The following SLC14A2 variants were observed in gnomAD, a reference collection of about 807,000 sequenced individuals.
SLC14A2 encodes solute carrier family 14 member 2, also known as urea transporter 2.
In SLC14A2, 91 loss-of-function variants were observed where a neutral mutation model predicts 104.6. The observed-to-expected ratio is 0.87, with a 90% CI of 0.73 to 1.04. The LOEUF (loss-of-function observed/expected upper bound fraction) is 1.04, where lower values mean the gene tolerates loss of function less well. Ranked by LOEUF, SLC14A2 falls within the 50% of genes least tolerant of loss-of-function variation. The pLI, the probability that SLC14A2 is intolerant of heterozygous loss-of-function variation, is 0.00. For missense variants in SLC14A2, 1,189 were observed against 1,156.0 expected, an observed-to-expected ratio of 1.03 and a Z score of -0.41; for synonymous variants, 476 against 466.4, an observed-to-expected ratio of 1.02 and a Z score of -0.27.
chr18:45,211,371 CAG>C (rs1043402700), upstream of SLC14A2, among the ~76,000 whole-genome samples: 5 of 152,160 alleles, frequency 3.3e-5, no homozygotes, highest in Non-Finnish European at 7.4e-5. Flanking sequence ...TTAGACCAAA[CAG>C]AAAACTGCAC....
chr18:45,497,604 G>A (rs2043122585), intron 2 of SLC14A2, among the ~76,000 whole-genome samples: 2 of 152,224 alleles, frequency 1.3e-5, no homozygotes, highest in South Asian at 4.1e-4. Context: ...CAGCTTTGAT[G>A]TATGCCCTGC....
intron 2 of SLC14A2, among the ~76,000 whole-genome samples, chr18:45,559,564 A>G (rs1424208612): frequency 2.6e-5 from 4 of 152,216 alleles, no homozygotes; most frequent in African/African-American, 9.7e-5. Flanking sequence ...TCTCCCAGAA[A>G]AAATGGGAAA....
chr18:45,331,145 T>C (rs2085285709), intron 1 of SLC14A2, among the ~76,000 whole-genome samples: 1 of 152,238 alleles, frequency 6.6e-6, no homozygotes, highest in Non-Finnish European at 1.5e-5. Context: ...TCCTAGCAAG[T>C]ACTGCATCGA....
chr18:45,208,432 C>T (rs556814365), upstream of SLC14A2, among the ~76,000 whole-genome samples: 6 of 152,206 alleles, frequency 3.9e-5, no homozygotes, highest in South Asian at 6.2e-4. Flanking sequence ...TATGAGTTAA[C>T]GCAGGTGGCC....
At chr18:45,470,584 G>A (rs1390567650) in intron 1 of SLC14A2, among the ~76,000 whole-genome samples, 1 of 152,092 alleles carries the variant, frequency 6.6e-6, no homozygotes, top group Non-Finnish European at 1.5e-5. Flanking sequence ...AGATAGTTGG[G>A]AAGGTTTTAA....
At chr18:45,441,204 C>G (rs2086677615) in intron 1 of SLC14A2, among the ~76,000 whole-genome samples, 1 of 152,092 alleles carries the variant, frequency 6.6e-6, no homozygotes, top group South Asian at 2.1e-4. Flanking sequence ...TAACAAGGTG[C>G]CTTTTTAAAA....
At chr18:45,321,500 C>G (rs2085184746) in intron 1 of SLC14A2, among the ~76,000 whole-genome samples, 2 of 152,186 alleles carry the variant, frequency 1.3e-5, no homozygotes, top group African/African-American at 4.8e-5. Flanking sequence ...ACTGTAGTCA[C>G]TGACACATCC....
chr18:45,605,375 A>AGT (rs1451230676), intron 2 of SLC14A2, among the ~76,000 whole-genome samples: 16 of 152,322 alleles, frequency 1.1e-4, no homozygotes, highest in Non-Finnish European at 1.9e-4. Context: ...ACCTTAAAAT[A>AGT]TAACCCCCTC....
At chr18:45,670,775 C>T (rs2046119144) in intron 16 of SLC14A2, among the ~76,000 whole-genome samples, 1 of 152,230 alleles carries the variant, frequency 6.6e-6, no homozygotes, top group African/African-American at 2.4e-5. Flanking sequence ...ATCCTCCCAC[C>T]TCAGCCTTCT....
chr18:45,533,238 T>TG (rs2043726397), intron 2 of SLC14A2, among the ~76,000 whole-genome samples: 1 of 152,208 alleles, frequency 6.6e-6, no homozygotes, highest in African/African-American at 2.4e-5. Flanking sequence ...GGATTCCCTC[T>TG]TTTTCTATTG....
intron 1 of SLC14A2, among the ~76,000 whole-genome samples, chr18:45,445,188 C>T (rs2542980): frequency 0.84 from 125,455 of 150,206 alleles, 52,386 homozygotes; most frequent in South Asian, 0.93. Context: ...GTTGGCTCAC[C>T]GAAACCTCCG....
At chr18:45,441,274 G>A (rs187823737) in intron 1 of SLC14A2, among the ~76,000 whole-genome samples, 2 of 152,194 alleles carry the variant, frequency 1.3e-5, no homozygotes, top group African/African-American at 4.8e-5. Flanking sequence ...TTCAAGCAGA[G>A]ATTCCAAGGA....
intron 1 of SLC14A2, among the ~76,000 whole-genome samples, chr18:45,239,129 A>G (rs2084285585): frequency 6.6e-6 from 1 of 152,192 alleles, no homozygotes; most frequent in African/African-American, 2.4e-5. Flanking sequence ...AATACCTGCT[A>G]GTGAATCCAC....
intron 2 of SLC14A2, among the ~76,000 whole-genome samples, chr18:45,608,528 A>G (rs1214895516): frequency 1.3e-5 from 2 of 152,218 alleles, no homozygotes; most frequent in Non-Finnish European, 2.9e-5. Context: ...CGTTTTGCTC[A>G]TCAACACTCA....
chr18:45,194,410 A>C, the SLC14A2 span, among the ~76,000 whole-genome samples: 1 of 152,080 alleles, frequency 6.6e-6, no homozygotes, highest in East Asian at 1.9e-4. Flanking sequence ...TAGATGTTAG[A>C]TTTTGTCAAA....
the SLC14A2 span, among the ~76,000 whole-genome samples, chr18:45,188,233 G>C: frequency 2.6e-5 from 4 of 152,132 alleles, no homozygotes; most frequent in South Asian, 8.3e-4. Flanking sequence ...GTTAAACTTT[G>C]TGGGCAACTG....
intron 1 of SLC14A2, among the ~76,000 whole-genome samples, chr18:45,380,492 G>C (rs2085823122): frequency 6.6e-6 from 1 of 152,196 alleles, no homozygotes; most frequent in African/African-American, 2.4e-5. Context: ...CTATCAGAAA[G>C]TAGAGACAAG....
intron 1 of SLC14A2, among the ~76,000 whole-genome samples, chr18:45,214,142 A>T (rs917129248): frequency 6.6e-6 from 1 of 152,200 alleles, no homozygotes; most frequent in African/African-American, 2.4e-5. Context: ...ATTGAAGAAG[A>T]TAGGAATTCA....
intron 1 of SLC14A2, among the ~76,000 whole-genome samples, chr18:45,619,965 C>CATGGCAGAGCAGG (rs1488074233): frequency 6.6e-6 from 1 of 152,186 alleles, no homozygotes; most frequent in Non-Finnish European, 1.5e-5. Context: ...CACGCGGCCC[C>CATGGCAGAGCAGG]GAGTGGCAGA....
Sources: gnomAD v4.1 joint callset for allele counts (sites outside exome capture counted in the v4.1 genomes callset) on GRCh38, gnomAD v4.1.1 for gene constraint, MANE v1.5 for transcripts, NCBI Gene and HGNC (gene_info 2026-07-23, HGNC 2026-07-21) for gene names.